The following FSTL5 variants were observed in gnomAD, a reference collection of about 807,000 sequenced individuals.
FSTL5 encodes follistatin-related protein 5.
FSTL5 carries 62 observed loss-of-function variants against 89.1 expected under a neutral mutation model. The ratio of observed to expected loss-of-function variants is 0.70; its 90% CI spans 0.57 to 0.86. FSTL5 has a LOEUF of 0.86. FSTL5 is among the 40% of genes least tolerant of loss of function. The probability of loss-of-function intolerance (pLI) is 0.00; values close to 1 mark genes in which losing one functional copy is unlikely to be tolerated. For synonymous variants in FSTL5, 383 were observed against 346.2 expected, an observed-to-expected ratio of 1.11 and a Z score of -1.18; for missense variants, 1,057 against 1,001.6, an observed-to-expected ratio of 1.06 and a Z score of -0.75.
intron 4 of FSTL5, among the ~76,000 whole-genome samples, chr4:161,882,691 A>G (rs1732671220): frequency 6.6e-6 from 1 of 152,152 alleles, no homozygotes; most frequent in South Asian, 2.1e-4. Flanking sequence ...TTAAAAACTA[A>G]CAATAAAAAT....
chr4:161,539,761 A>T (rs528947233), intron 9 of FSTL5, among the ~76,000 whole-genome samples: 6 of 152,246 alleles, frequency 3.9e-5, no homozygotes, highest in Admixed American at 3.3e-4. Flanking sequence ...ACCTTTATTT[A>T]AAAAAACAGA....
At chr4:161,943,875 C>G (rs1178376907) in intron 3 of FSTL5, among the ~76,000 whole-genome samples, 3 of 151,930 alleles carry the variant, frequency 2.0e-5, no homozygotes, top group Non-Finnish European at 4.4e-5. Context: ...GTATCTTTAC[C>G]TGCTCTGTAA....
chr4:162,150,577 C>G (rs763075806), intron 1 of FSTL5, among the ~76,000 whole-genome samples: 2 of 151,966 alleles, frequency 1.3e-5, no homozygotes, highest in Admixed American at 6.6e-5. Context: ...AGAATTACTA[C>G]CAGAAAAAAA....
rs1736633996 is a variant in FSTL5 at position 162,006,979 on chromosome 4, C to T, written c.160+26646G>A. Reference sequence around the variant, plus strand: ...CATCTGCTAACGTTCCATGTTAGTCCTTGAGATATTGTGACTTTCTGATAA... The same window carrying T: ...CATCTGCTAACGTTCCATGTTAGTCTTTGAGATATTGTGACTTTCTGATAA... On this transcript the variant is annotated intron_variant, in intron 3 of 15. Coordinates refer to ENST00000306100, the MANE Select transcript of FSTL5 (RefSeq NM_020116.5). Among the ~76,000 whole-genome samples, 4 of 151,756 alleles carry T rather than the reference C, an allele frequency of 2.6e-5. No individual in the cohort carries two copies. The South Asian group carries it at 8.3e-4, about 32-fold the overall frequency.
chr4:161,944,243 A>G (rs1341781502), intron 3 of FSTL5, among the ~76,000 whole-genome samples: 1 of 152,296 alleles, frequency 6.6e-6, no homozygotes, highest in East Asian at 1.9e-4. Flanking sequence ...GCATTTAAAT[A>G]TAGTTATCAT....
intron 2 of FSTL5, among the ~76,000 whole-genome samples, chr4:162,037,465 C>T (rs1186166035): frequency 1.3e-5 from 2 of 151,910 alleles, no homozygotes; most frequent in Non-Finnish European, 2.9e-5. Context: ...ATCACACATA[C>T]AGCTTGGTAT....
intron 2 of FSTL5, among the ~76,000 whole-genome samples, chr4:162,086,771 T>C (rs1359139962): frequency 6.6e-6 from 1 of 152,000 alleles, no homozygotes; most frequent in Non-Finnish European, 1.5e-5. Flanking sequence ...CAAACTTCTA[T>C]TGAACTTCTA....
At chr4:161,932,789 A>C (rs536719611) in intron 3 of FSTL5, among the ~76,000 whole-genome samples, 3 of 152,154 alleles carry the variant, frequency 2.0e-5, no homozygotes, top group African/African-American at 7.2e-5. Flanking sequence ...TAATATTTTT[A>C]AACTCATTAC....
At chr4:161,731,020 A>G in intron 6 of FSTL5, among the ~76,000 whole-genome samples, 1 of 152,338 alleles carries the variant, frequency 6.6e-6, no homozygotes, top group South Asian at 2.1e-4. Flanking sequence ...ATTTTTTATT[A>G]TAGATCTTTA....
intron 6 of FSTL5, among the ~76,000 whole-genome samples, chr4:161,700,055 A>G (rs935216102): frequency 6.6e-5 from 10 of 152,228 alleles, no homozygotes; most frequent in African/African-American, 2.2e-4. Context: ...ATAAACATTG[A>G]CAACATAGTT....
intron 6 of FSTL5, among the ~76,000 whole-genome samples, chr4:161,720,681 C>T (rs1448019019): frequency 6.6e-6 from 1 of 152,034 alleles, no homozygotes; most frequent in African/African-American, 2.4e-5. Flanking sequence ...TATTATTCAG[C>T]CCTAATATAT....
chr4:161,462,236 C>A (rs990512255), intron 13 of FSTL5, among the ~76,000 whole-genome samples: 1 of 152,148 alleles, frequency 6.6e-6, no homozygotes, highest in Non-Finnish European at 1.5e-5. Context: ...AATGTGGGAA[C>A]CTCTCTGCAT....
chr4:162,084,148 T>C (rs1224566212), intron 2 of FSTL5, among the ~76,000 whole-genome samples: 1 of 151,958 alleles, frequency 6.6e-6, no homozygotes. Context: ...AATGAACAGA[T>C]GCATCAGTGG....
chr4:162,077,693 A>C (rs568130995), intron 2 of FSTL5, among the ~76,000 whole-genome samples: 1 of 152,002 alleles, frequency 6.6e-6, no homozygotes, highest in East Asian at 1.9e-4. Flanking sequence ...ATAACTTTAG[A>C]TTAGACCATA....
chr4:161,591,438 T>C (rs1733818666), intron 7 of FSTL5, among the ~76,000 whole-genome samples: 1 of 152,152 alleles, frequency 6.6e-6, no homozygotes, highest in Non-Finnish European at 1.5e-5. Flanking sequence ...AATTGCACAC[T>C]TCGAATGGAT....
chr4:161,621,827 C>CAAAAAAAAAAAAAAAAAA (rs58143952), intron 7 of FSTL5, among the ~76,000 whole-genome samples: 1 of 90,378 alleles, frequency 1.1e-5, no homozygotes. Context: ...TCTAAAAATA[C>CAAAAAAAAAAAAAAAAAA]AAAAAAAAAA....
chr4:161,511,569 A>C (rs1472803640), intron 10 of FSTL5, among the ~76,000 whole-genome samples: 1 of 152,116 alleles, frequency 6.6e-6, no homozygotes, highest in Non-Finnish European at 1.5e-5. Flanking sequence ...TGAACATGTA[A>C]TGTACAATGT....
At chr4:161,979,248 G>A (rs541106486) in intron 3 of FSTL5, among the ~76,000 whole-genome samples, 1 of 152,188 alleles carries the variant, frequency 6.6e-6, no homozygotes, top group South Asian at 2.1e-4. Context: ...ATATACACTG[G>A]TTCAAGAAGA....
intron 10 of FSTL5, among the ~76,000 whole-genome samples, chr4:161,535,524 ACTG>A (rs1731575972): frequency 6.6e-6 from 1 of 152,126 alleles, no homozygotes; most frequent in Non-Finnish European, 1.5e-5. Flanking sequence ...GCAAATCAAA[ACTG>A]CTATGAGATA....
Sources: gnomAD v4.1 joint callset for allele counts (sites outside exome capture counted in the v4.1 genomes callset) on GRCh38, gnomAD v4.1.1 for gene constraint, MANE v1.5 for transcripts, NCBI Gene and HGNC (gene_info 2026-07-23, HGNC 2026-07-21) for gene names.